The following PIK3R5 variants were observed in gnomAD, a reference collection of about 807,000 sequenced individuals.
PIK3R5 encodes phosphoinositide-3-kinase regulatory subunit 5.
A neutral mutation model predicts 94.9 loss-of-function variants in PIK3R5; 32 were observed. The ratio of observed to expected loss-of-function variants is 0.34; its 90% confidence interval spans 0.25 to 0.45. PIK3R5 has a LOEUF of 0.45. Ranked by LOEUF, PIK3R5 falls within the 20% of genes least tolerant of loss-of-function variation. PIK3R5 has a pLI of 1.00. For synonymous variants in PIK3R5, 443 were observed against 479.4 expected, an observed-to-expected ratio of 0.92 and a Z score of 0.99; for missense variants, 853 against 1,144.6, an observed-to-expected ratio of 0.75 and a Z score of 3.68.
chr17:8,897,491 G>C (rs2090178222), intron 5 of PIK3R5, among the ~76,000 whole-genome samples: 2 of 152,196 alleles, frequency 1.3e-5, no homozygotes, highest in Admixed American at 1.3e-4. Flanking sequence ...GCTTGTGGGG[G>C]CGAACTGAGA....
At chr17:8,886,113 T>C in intron 14 of PIK3R5, 116 bp downstream of exon 14, 2 of 712,826 alleles carry the variant, frequency 2.8e-6, no homozygotes, top group South Asian at 3.2e-5. Context: ...GCCTACCTCC[T>C]GTGCAACCCC....
Position 8,888,405 on chromosome 17 carries a change from C to A in PIK3R5, c.1382G>T (p.Ser461Ile). The A allele has an allele frequency of 1.3e-6, 2 of 1,584,480 alleles. No homozygotes were observed. The highest frequency in any genetic ancestry group is 1.7e-6 in the Non-Finnish European group (2 of 1,168,998). The change falls in exon 10 of 19, where the codon AGC (serine) becomes ATC (isoleucine). Residue 461 changes from serine (S) to isoleucine (I), a missense_variant. Coordinates refer to ENST00000447110, the MANE Select transcript of PIK3R5 (RefSeq NM_001142633.3). The surrounding 1 kb of genome is among the most constrained non-coding windows in gnomAD (Gnocchi z 7.8). Reference protein sequence around the residue: ...LPLRRAGSLCSPLDEPVSPPS... With the variant: ...LPLRRAGSLCIPLDEPVSPPS... The stretch of plus-strand genomic sequence containing the variant: ...GGGTGATACTGGTTCGTCCAGGGGG[C>A]TGCAGAGGCTCCCTGCCCGCCTCAG...
At chr17:8,906,681 G>A (rs2090403506) in intron 3 of PIK3R5, among the ~76,000 whole-genome samples, 1 of 152,020 alleles carries the variant, frequency 6.6e-6, no homozygotes, top group Non-Finnish European at 1.5e-5. Context: ...CCAGGAGTTC[G>A]AGACCAGCCT....
rs1204864436 is a variant in PIK3R5, at chr17:8,904,055, T to A, written c.412+722A>T. On this transcript the variant is annotated intron_variant, in intron 5 of 18. Transcript: ENST00000447110. The surrounding 1 kb of genome is among the most constrained non-coding windows in gnomAD (Gnocchi z 5.1). The stretch of plus-strand genomic sequence containing the variant: ...TTTCCATATATTGAGGGGTTTTGAA[T>A]ATCAGGAATGATGATGAATTTTATG... 6.6e-6 allele frequency among the ~76,000 whole-genome samples: 1 copy of A among 152,260 alleles called. No homozygotes were observed. Among genetic ancestry groups the A allele is most frequent in the African/African-American group, 2.4e-5 (1 of 41,482 alleles).
At chr17:8,927,358 C>T (rs528808463) in intron 1 of PIK3R5, among the ~76,000 whole-genome samples, 5 of 152,254 alleles carry the variant, frequency 3.3e-5, no homozygotes, top group Admixed American at 1.3e-4. Flanking sequence ...CTGGCCAGGC[C>T]GTAATGAGGT....
At position 8,881,946 on chromosome 17, in the gene PIK3R5, G is replaced by C; in HGVS notation, c.2206-65C>G. 1 of 1,273,324 alleles carries C rather than the reference G, an allele frequency of 7.9e-7. No homozygotes were observed. Among genetic ancestry groups the C allele is most frequent in the Non-Finnish European group, 1.1e-6 (1 of 886,240 alleles). 78.9% of individuals were successfully genotyped at this position (1,273,324 alleles called of 1,614,324 possible). ...CCCCGGTGCCTGCTGCCTTCTCTTTGAAGGCCCATCAGTGACAGGGGGTTG... is the reference window on the plus strand; with the variant it reads ...CCCCGGTGCCTGCTGCCTTCTCTTTCAAGGCCCATCAGTGACAGGGGGTTG... On this transcript the variant is annotated intron_variant, in intron 15 of 18. Coordinates refer to ENST00000447110, the MANE Select transcript of PIK3R5 (RefSeq NM_001142633.3). The surrounding 1 kb of genome is among the most constrained non-coding windows in gnomAD (Gnocchi z 4.8).
intron 1 of PIK3R5, chr17:8,916,326 G>C (rs1053545405): frequency 6.6e-6 from 1 of 152,274 alleles, no homozygotes; most frequent in African/African-American, 2.4e-5. Context: ...GAGGGGGGAA[G>C]ACAGTGGCAC....
chr17:8,940,045 A>C (rs2091146725), intron 1 of PIK3R5, among the ~76,000 whole-genome samples: 1 of 152,132 alleles, frequency 6.6e-6, no homozygotes, highest in Admixed American at 6.5e-5. Flanking sequence ...AGCTGCGGGG[A>C]GTTTCTAATC....
chr17:8,903,091 C>T (rs1036982317), intron 5 of PIK3R5, among the ~76,000 whole-genome samples: 9 of 152,036 alleles, frequency 5.9e-5, no homozygotes, highest in Admixed American at 3.3e-4. Context: ...GTGATCTGCC[C>T]GCCTTGGCGT....
intron 5 of PIK3R5, among the ~76,000 whole-genome samples, chr17:8,903,711 A>G (rs2090338894): frequency 6.6e-6 from 1 of 151,694 alleles, no homozygotes; most frequent in Admixed American, 6.6e-5. Context: ...TTTATTTTTA[A>G]TTGCTATTGT....
chr17:8,886,705 G>T, intron 12 of PIK3R5, 100 bp from the exon 13 acceptor site: 2 of 1,348,690 alleles, frequency 1.5e-6, no homozygotes, highest in Non-Finnish European at 2.0e-6. Flanking sequence ...AGACATAGAG[G>T]CAGCCAGTCA....
intron 1 of PIK3R5, among the ~76,000 whole-genome samples, chr17:8,938,049 G>A (rs2091108420): frequency 6.6e-6 from 1 of 152,194 alleles, no homozygotes; most frequent in African/African-American, 2.4e-5. Context: ...GACCTCAGGT[G>A]ATCTGCCTGC....
intron 1 of PIK3R5, among the ~76,000 whole-genome samples, chr17:8,960,862 C>T (rs2091551646): frequency 6.6e-6 from 1 of 151,574 alleles, no homozygotes; most frequent in South Asian, 2.1e-4. Context: ...CCCCCCACCC[C>T]ATCCTGTGAT....
At chr17:8,924,220 A>C (rs2090819283) in intron 1 of PIK3R5, among the ~76,000 whole-genome samples, 2 of 149,656 alleles carry the variant, frequency 1.3e-5, no homozygotes, top group South Asian at 4.2e-4. Context: ...CTGGAACTAC[A>C]GGCACATGTC....
intron 1 of PIK3R5, among the ~76,000 whole-genome samples, chr17:8,949,164 T>C (rs1429353768): frequency 2.0e-5 from 3 of 152,146 alleles, no homozygotes; most frequent in Non-Finnish European, 4.4e-5. Context: ...CGCTGGGAGA[T>C]GATGCTGCAT....
At chr17:8,886,166 G>A in intron 14 of PIK3R5, 63 bp downstream of exon 14, 1 of 1,279,582 alleles carries the variant, frequency 7.8e-7, no homozygotes, top group South Asian at 1.2e-5. Context: ...CACCTCCACA[G>A]AGCTCCACGT....
At chr17:8,928,887 A>G (rs889000949) in intron 1 of PIK3R5, among the ~76,000 whole-genome samples, 1 of 152,242 alleles carries the variant, frequency 6.6e-6, no homozygotes, top group Non-Finnish European at 1.5e-5. Context: ...TTTCTAAGTT[A>G]TCTTAGATGG....
In PIK3R5 at chr17:8,893,872, C is replaced by T. The variant is rs555751678; in HGVS notation, c.413-217G>A. On this transcript the variant is annotated intron_variant, in intron 5 of 18. Coordinates refer to ENST00000447110, the MANE Select transcript of PIK3R5 (RefSeq NM_001142633.3). The surrounding 1 kb of genome is among the most constrained non-coding windows in gnomAD (Gnocchi z 5.1). ...CTCACGAGTCATATCCCCACCTCCA[C>T]CTCCAACACCAAAACTCGGTCCTGG... 81 of 434,514 alleles carry T rather than the reference C, an allele frequency of 1.9e-4. No individual in the cohort carries two copies. The highest frequency in any genetic ancestry group is 3.0e-4 in the Non-Finnish European group (72 of 237,794). 26.9% of individuals were successfully genotyped at this position (434,514 alleles called of 1,614,324 possible).
intron 1 of PIK3R5, among the ~76,000 whole-genome samples, chr17:8,949,672 C>T (rs567573846): frequency 7.9e-5 from 12 of 152,178 alleles, no homozygotes; most frequent in Admixed American, 3.3e-4. Context: ...AATGGAAAAC[C>T]GAACATCATA....
Sources: gnomAD v4.1 joint callset for allele counts (sites outside exome capture counted in the v4.1 genomes callset) on GRCh38, gnomAD v4.1.1 for gene constraint, Gnocchi (gnomAD v3.1) non-coding constraint, MANE v1.5 for transcripts, NCBI Gene and HGNC (gene_info 2026-07-23, HGNC 2026-07-21) for gene names.